Variants in GADL1 observed in about 807,000 individuals in gnomAD.
GADL1 encodes acidic amino acid decarboxylase GADL1.
GADL1 carries 71 observed loss-of-function variants against 69.5 expected under a neutral mutation model. That is an observed-to-expected ratio of 1.02 (90% CI 0.84 to 1.25). The LOEUF is 1.25. Among genes scored for constraint, GADL1 ranks in the 50% most tolerant of loss-of-function variants. The probability of loss-of-function intolerance (pLI) is 0.00; values close to 1 mark genes in which losing one functional copy is unlikely to be tolerated. For missense variants in GADL1, 737 were observed against 631.8 expected (o/e 1.17, Z -1.79); for synonymous variants, 254 against 214.4 (o/e 1.18, Z -1.62).
At chr3:30,811,978 A>T (rs565818134) in intron 11 of GADL1, among the ~76,000 whole-genome samples, 24 of 152,318 alleles carry the variant, frequency 1.6e-4, no homozygotes, top group African/African-American at 5.8e-4. Context: ...AAAAATCCTG[A>T]TCTAGAAGTT....
intron 14 of GADL1, among the ~76,000 whole-genome samples, chr3:30,776,373 TCAC>T (rs1696536519): frequency 6.6e-6 from 1 of 152,322 alleles, no homozygotes; most frequent in African/African-American, 2.4e-5. Context: ...CCTCTAAACT[TCAC>T]CACTAAATTC....
chr3:30,797,648 C>CGTTTTGTTTT (rs763485708), intron 12 of GADL1: 6 of 147,706 alleles, frequency 4.1e-5, no homozygotes, highest in African/African-American at 1.5e-4. Context: ...TTGTTTTTTG[C>CGTTTTGTTTT]GTTTTGTTTT....
At chr3:30,850,594 A>T (rs537594940) in intron 5 of GADL1, among the ~76,000 whole-genome samples, 18 of 152,278 alleles carry the variant, frequency 1.2e-4, no homozygotes, top group Admixed American at 8.5e-4. Context: ...AAATCGATTC[A>T]TTTGTGTTAG....
chr3:30,778,081 T>C (rs1367246976), intron 14 of GADL1, 98 bp downstream of exon 14: 2 of 711,324 alleles, frequency 2.8e-6, no homozygotes, highest in Non-Finnish European at 5.0e-6. Context: ...CTCTAGATAA[T>C]TCTGTGCTTG....
chr3:30,763,319 A>G (rs1696186278), intron 14 of GADL1, among the ~76,000 whole-genome samples: 1 of 152,082 alleles, frequency 6.6e-6, no homozygotes, highest in African/African-American at 2.4e-5. Context: ...TAACACGGTG[A>G]AACCCCCTGT....
intron 11 of GADL1, among the ~76,000 whole-genome samples, chr3:30,823,026 A>C (rs532390387): frequency 2.0e-5 from 3 of 152,158 alleles, no homozygotes; most frequent in Admixed American, 1.3e-4. Context: ...ATTCTAATAA[A>C]GGAATAGATG....
chr3:30,801,894 C>T (rs1190721265), intron 11 of GADL1, among the ~76,000 whole-genome samples: 2 of 152,160 alleles, frequency 1.3e-5, no homozygotes, highest in African/African-American at 4.8e-5. Context: ...GATCCTTATG[C>T]TCCTCAGTGG....
intron 14 of GADL1, among the ~76,000 whole-genome samples, chr3:30,758,013 GTTAAGTA>G (rs1464688745): frequency 6.6e-6 from 1 of 152,178 alleles, no homozygotes; most frequent in Non-Finnish European, 1.5e-5. Context: ...AATTCCATGA[GTTAAGTA>G]TTAAACTAAT....
intron 14 of GADL1, among the ~76,000 whole-genome samples, chr3:30,764,065 G>A (rs1696207603): frequency 6.6e-6 from 1 of 152,052 alleles, no homozygotes; most frequent in Non-Finnish European, 1.5e-5. Context: ...AATTTGGTCA[G>A]AATAGCATAG....
chr3:30,801,805 A>G (rs768393056), intron 11 of GADL1, among the ~76,000 whole-genome samples: 57 of 152,192 alleles, frequency 3.7e-4, no homozygotes, highest in Admixed American at 6.5e-4. Context: ...TGTTGTCTTC[A>G]ATGTCATCTA....
intron 12 of GADL1, among the ~76,000 whole-genome samples, chr3:30,792,734 G>T (rs1442781923): frequency 6.6e-6 from 1 of 152,110 alleles, no homozygotes; most frequent in African/African-American, 2.4e-5. Flanking sequence ...AGCTCCATAT[G>T]TCCCATCCTT....
intron 1 of GADL1, among the ~76,000 whole-genome samples, chr3:30,877,896 A>T (rs1376215920): frequency 6.6e-6 from 1 of 151,962 alleles, no homozygotes; most frequent in Non-Finnish European, 1.5e-5. Context: ...AGTAATTTAG[A>T]TAGTTGCTCT....
chr3:30,805,737 T>TTTTTTTTTTTTTTTTTTTTTTG (rs1697241899), intron 11 of GADL1, among the ~76,000 whole-genome samples: 1 of 128,244 alleles, frequency 7.8e-6, no homozygotes, highest in African/African-American at 3.0e-5. Context: ...CCCCAGCCTT[T>TTTTTTTTTTTTTTTTTTTTTTG]TTTTTTTTTT....
chr3:30,764,307 TGATA>T (rs1250868064), intron 14 of GADL1, among the ~76,000 whole-genome samples: 2 of 152,188 alleles, frequency 1.3e-5, no homozygotes, highest in Non-Finnish European at 2.9e-5. Flanking sequence ...AGACATGATC[TGATA>T]GATTCTGGTG....
intron 6 of GADL1, among the ~76,000 whole-genome samples, chr3:30,848,041 C>T (rs1698084883): frequency 6.6e-6 from 1 of 152,144 alleles, no homozygotes; most frequent in African/African-American, 2.4e-5. Context: ...AATCAGCTTT[C>T]CCAAGCTTGG....
At chr3:30,755,025 TGAA>T (rs754543673) in intron 14 of GADL1, among the ~76,000 whole-genome samples, 2 of 152,128 alleles carry the variant, frequency 1.3e-5, no homozygotes, top group African/African-American at 4.8e-5. Context: ...GATTTCTGGT[TGAA>T]GAATATTGTT....
chr3:30,879,432 A>T (rs1698615313), intron 1 of GADL1, among the ~76,000 whole-genome samples: 1 of 151,886 alleles, frequency 6.6e-6, no homozygotes, highest in Non-Finnish European at 1.5e-5. Flanking sequence ...CACCCCTTGA[A>T]GAGATCAATA....
intron 14 of GADL1, among the ~76,000 whole-genome samples, chr3:30,740,785 G>A (rs1286686295): frequency 1.3e-5 from 2 of 150,566 alleles, no homozygotes; most frequent in African/African-American, 4.9e-5. Flanking sequence ...TACAAATTTA[G>A]AAAAACCCTT....
chr3:30,859,008 G>A (rs560189124), intron 2 of GADL1, among the ~76,000 whole-genome samples: 5 of 152,078 alleles, frequency 3.3e-5, no homozygotes, highest in South Asian at 2.1e-4. Context: ...CTAAGAAGCC[G>A]AATTAGATAG....
Sources: allele counts gnomAD v4.1 joint callset (sites outside exome capture counted in the v4.1 genomes callset), GRCh38; gene constraint gnomAD v4.1.1; transcripts MANE v1.5; gene names NCBI Gene and HGNC (gene_info 2026-07-23, HGNC 2026-07-21).